RALYL: variants seen among roughly 807,000 people sequenced by gnomAD.
RALYL encodes RALY RNA binding protein like, also known as RNA-binding Raly-like protein.
In RALYL, 29 loss-of-function variants were observed where a neutral mutation model predicts 35.1. The ratio of observed to expected loss-of-function variants is 0.83; its 90% CI spans 0.61 to 1.13. RALYL has a LOEUF of 1.13. Ranked by LOEUF, RALYL falls within the 50% of genes most tolerant of loss-of-function variation. The pLI, the probability that RALYL is intolerant of heterozygous loss-of-function variation, is 0.00. For synonymous variants in RALYL, 120 were observed against 127.6 expected (o/e 0.94, Z 0.40); for missense variants, 359 against 360.4 (o/e 1.00, Z 0.03).
chr8:84,315,713 G>C (rs1162895386), intron 1 of RALYL, among the ~76,000 whole-genome samples: 2 of 151,626 alleles, frequency 1.3e-5, no homozygotes, highest in African/African-American at 2.4e-5. Flanking sequence ...GCCTTTACAA[G>C]CATGTAGCCC....
chr8:84,566,273 C>CA (rs1428613515), intron 2 of RALYL, among the ~76,000 whole-genome samples: 1 of 151,002 alleles, frequency 6.6e-6, no homozygotes, highest in African/African-American at 2.4e-5. Flanking sequence ...TATACTGGAA[C>CA]AAAAAAATGA....
intron 1 of RALYL, among the ~76,000 whole-genome samples, chr8:84,330,224 A>T (rs181664483): frequency 1.3e-3 from 203 of 152,184 alleles, no homozygotes; most frequent in African/African-American, 4.4e-3. Flanking sequence ...TGAGTGAAAC[A>T]TATTAGCTAC....
At chr8:84,793,578 G>A (rs1821282855) in intron 3 of RALYL, among the ~76,000 whole-genome samples, 1 of 152,100 alleles carries the variant, frequency 6.6e-6, no homozygotes. Flanking sequence ...ATCAGTATAA[G>A]ATAGATACAG....
intron 1 of RALYL, among the ~76,000 whole-genome samples, chr8:84,361,626 T>C (rs1449739791): frequency 1.3e-5 from 2 of 152,100 alleles, no homozygotes; most frequent in Non-Finnish European, 2.9e-5. Flanking sequence ...TTCGCCAGGT[T>C]TAAAATGGAA....
chr8:84,738,021 G>C (rs1269325577), intron 2 of RALYL, among the ~76,000 whole-genome samples: 1 of 152,012 alleles, frequency 6.6e-6, no homozygotes, highest in South Asian at 2.1e-4. Flanking sequence ...CTAGGTGTTG[G>C]TGTGTGATCG....
At chr8:84,472,359 T>TA (rs2052879851) in intron 1 of RALYL, among the ~76,000 whole-genome samples, 1 of 152,210 alleles carries the variant, frequency 6.6e-6, no homozygotes, top group Non-Finnish European at 1.5e-5. Flanking sequence ...GCAAAATCCC[T>TA]AGTGAGTTCA....
At chr8:84,779,625 G>T (rs1817628796) in intron 3 of RALYL, among the ~76,000 whole-genome samples, 1 of 152,170 alleles carries the variant, frequency 6.6e-6, no homozygotes, top group Non-Finnish European at 1.5e-5. Flanking sequence ...CTTTAAGATT[G>T]TCAGAAGATA....
At chr8:84,252,566 G>A (rs1461782246) in intron 1 of RALYL, among the ~76,000 whole-genome samples, 2 of 152,054 alleles carry the variant, frequency 1.3e-5, no homozygotes, top group Non-Finnish European at 2.9e-5. Context: ...AGCTTGGATA[G>A]AAAAAAGAAA....
chr8:84,727,888 G>A (rs1845311375), intron 2 of RALYL, among the ~76,000 whole-genome samples: 1 of 152,054 alleles, frequency 6.6e-6, no homozygotes, highest in African/African-American at 2.4e-5. Flanking sequence ...GGACATTCGG[G>A]TTGGTTCCAA....
At chr8:84,209,247 AT>A (rs1818843377) in intron 1 of RALYL, among the ~76,000 whole-genome samples, 1 of 151,762 alleles carries the variant, frequency 6.6e-6, no homozygotes, top group South Asian at 2.1e-4. Context: ...TGCATGTGCA[AT>A]TTTCAAAGCA....
At chr8:84,349,940 C>T (rs972089856) in intron 1 of RALYL, among the ~76,000 whole-genome samples, 4 of 150,324 alleles carry the variant, frequency 2.7e-5, no homozygotes. Context: ...GACACCACTG[C>T]ACAACTCCCA....
intron 1 of RALYL, among the ~76,000 whole-genome samples, chr8:84,317,004 T>C (rs1236319938): frequency 6.6e-6 from 1 of 151,578 alleles, no homozygotes; most frequent in Non-Finnish European, 1.5e-5. Context: ...TCAAAAGCAC[T>C]CCAGAGCTAG....
intron 2 of RALYL, among the ~76,000 whole-genome samples, chr8:84,628,790 T>A (rs551825371): frequency 1.3e-5 from 2 of 152,208 alleles, no homozygotes; most frequent in East Asian, 3.9e-4. Flanking sequence ...ATTGAAATAC[T>A]GATGGAAGTT....
chr8:84,231,146 TC>T (rs1825248749), intron 1 of RALYL, among the ~76,000 whole-genome samples: 1 of 152,194 alleles, frequency 6.6e-6, no homozygotes, highest in African/African-American at 2.4e-5. Context: ...AGAAGTCGTA[TC>T]CTTTCTACTT....
chr8:84,201,513 T>C (rs1816836139), intron 1 of RALYL, among the ~76,000 whole-genome samples: 1 of 152,084 alleles, frequency 6.6e-6, no homozygotes. Context: ...TAGGAAATGG[T>C]ATTAGTTATT....
At chr8:84,436,733 A>T (rs1356289334) in intron 1 of RALYL, among the ~76,000 whole-genome samples, 1 of 151,510 alleles carries the variant, frequency 6.6e-6, no homozygotes, top group East Asian at 1.9e-4. Context: ...ACATACACAT[A>T]CATCTGTGAA....
At chr8:84,768,699 C>T (rs145620661) in intron 2 of RALYL, among the ~76,000 whole-genome samples, 88 of 152,252 alleles carry the variant, frequency 5.8e-4, no homozygotes, top group African/African-American at 1.9e-3. Context: ...GCTTTCCTAC[C>T]ATTAAAAACT....
chr8:84,343,382 T>C lies in RALYL; in HGVS notation c.-24+158958T>C, dbSNP rs186394470. On this transcript the variant is annotated intron_variant, in intron 1 of 8. Transcript: ENST00000521268. ...CAAATAGAATACATACATTTATCAA[T>C]GCTGACATTGATACCTTTCTACATA... 1.1e-3 allele frequency among the ~76,000 whole-genome samples: 163 copies of C among 152,160 alleles called. 2 individuals carry two copies. Among genetic ancestry groups the C allele is most frequent in the Admixed American group, 1.0e-2 (152 of 15,254 alleles).
chr8:84,875,617 G>T (rs1840994737), intron 7 of RALYL, among the ~76,000 whole-genome samples: 1 of 151,820 alleles, frequency 6.6e-6, no homozygotes, highest in African/African-American at 2.4e-5. Flanking sequence ...CATTCTTTTA[G>T]TAATTGTTTC....
Sources: gnomAD v4.1 joint callset for allele counts (sites outside exome capture counted in the v4.1 genomes callset) on GRCh38, gnomAD v4.1.1 for gene constraint, MANE v1.5 for transcripts, NCBI Gene and HGNC (gene_info 2026-07-23, HGNC 2026-07-21) for gene names.